GPHN: variants seen among roughly 807,000 people sequenced by gnomAD.
GPHN encodes gephyrin.
Under a neutral mutation model 95.5 loss-of-function variants are expected in GPHN, and 17 were observed. The observed-to-expected ratio is 0.18, with a 90% CI of 0.12 to 0.27. The LOEUF (loss-of-function observed/expected upper bound fraction) is 0.27. Among genes scored for constraint, GPHN ranks in the 10% least tolerant of loss-of-function variants. The pLI, the probability that GPHN is intolerant of heterozygous loss-of-function variation, is 1.00. For missense variants in GPHN, 660 were observed against 978.1 expected, an observed-to-expected ratio of 0.67 and a Z score of 4.34; for synonymous variants, 320 against 322.5, an observed-to-expected ratio of 0.99 and a Z score of 0.08.
chr14:67,421,975 G>A, the GPHN span, among the ~76,000 whole-genome samples: 91 of 152,176 alleles, frequency 6.0e-4, 1 homozygote, highest in Admixed American at 4.8e-3. Context: ...ACTGGTATCC[G>A]GTCAGTCATG....
chr14:67,122,933 A>G (rs1410968520), intron 17 of GPHN, among the ~76,000 whole-genome samples: 2 of 152,354 alleles, frequency 1.3e-5, no homozygotes, highest in Non-Finnish European at 2.9e-5. Flanking sequence ...GAATTAACTC[A>G]GCCCTCTGCT....
In GPHN at chr14:67,143,310, A is replaced by G. The variant is rs1314112790; in HGVS notation, c.1749-52A>G. On this transcript the variant is annotated intron_variant, in intron 17 of 22. Coordinates refer to ENST00000478722, the MANE Select transcript of GPHN (RefSeq NM_020806.5). ...CGATGTAGTTTTAAGTTGGCACTAT[A>G]TCTAAAATCTTTTCCTTGTGTGTTA... 3.5e-6 allele frequency: 4 copies of G among 1,126,888 alleles called. No homozygotes were observed. The African/African-American group carries it at 4.6e-5, about 13-fold the overall frequency. The allele number at this position is 1,126,888 out of a possible 1,614,324, so 69.8% of individuals were successfully genotyped here.
At chr14:66,934,057 T>G (rs1234222814) in intron 8 of GPHN, among the ~76,000 whole-genome samples, 1 of 150,180 alleles carries the variant, frequency 6.7e-6, no homozygotes, top group Non-Finnish European at 1.5e-5. Context: ...AAGAATCACT[T>G]GAGCCCAGGA....
intron 3 of GPHN, among the ~76,000 whole-genome samples, chr14:66,815,879 C>T (rs760780273): frequency 5.3e-4 from 81 of 152,122 alleles, no homozygotes; most frequent in Non-Finnish European, 7.4e-4. Flanking sequence ...GATAAAGAAC[C>T]GAGACCCATT....
intron 4 of GPHN, among the ~76,000 whole-genome samples, chr14:66,842,991 G>A (rs954076853): frequency 2.1e-4 from 32 of 152,030 alleles, no homozygotes; most frequent in African/African-American, 7.7e-4. Flanking sequence ...ACCCAATTCA[G>A]GGGACTGCCT....
intron 10 of GPHN, among the ~76,000 whole-genome samples, chr14:67,023,936 A>G (rs2073795826): frequency 1.3e-5 from 2 of 152,090 alleles, no homozygotes; most frequent in Admixed American, 1.3e-4. Flanking sequence ...GTGACTCTGA[A>G]CCTCTCTTTA....
chr14:67,148,562 T>TC (rs1022534253), intron 18 of GPHN, among the ~76,000 whole-genome samples: 7 of 144,072 alleles, frequency 4.9e-5, no homozygotes, highest in Non-Finnish European at 9.1e-5. Context: ...TATTTGCTTT[T>TC]TTTTTTTTTT....
intron 10 of GPHN, among the ~76,000 whole-genome samples, chr14:67,056,735 C>T (rs2075588878): frequency 6.6e-6 from 1 of 152,168 alleles, no homozygotes; most frequent in Admixed American, 6.5e-5. Flanking sequence ...CCACACTCAG[C>T]CCTTGGGCAG....
chr14:67,619,974 G>A, the GPHN span: 1 of 1,585,968 alleles, frequency 6.3e-7, no homozygotes, highest in Non-Finnish European at 8.6e-7. Flanking sequence ...CAGTGCTGCG[G>A]ATCATGTCCC....
At chr14:66,880,570 A>G (rs903739930) in intron 5 of GPHN, among the ~76,000 whole-genome samples, 2 of 152,028 alleles carry the variant, frequency 1.3e-5, no homozygotes, top group African/African-American at 2.4e-5. Flanking sequence ...GTTTATTAAA[A>G]TAACTTGTTC....
chr14:66,542,778 C>G (rs893789268), intron 1 of GPHN, among the ~76,000 whole-genome samples: 1 of 152,210 alleles, frequency 6.6e-6, no homozygotes, highest in Non-Finnish European at 1.5e-5. Context: ...TGCTCAATGA[C>G]TCTAATTTCT....
In GPHN at chr14:66,571,288, T is replaced by C. The variant is rs111365818; in HGVS notation, c.64+62697T>C. ...CTCACTCACTATCATGAGAACAGCA[T>C]GGGGAAAACTGCCCTCGTGATCCAG... On this transcript the variant is annotated intron_variant, in intron 1 of 22. Transcript: ENST00000478722. Among the ~76,000 whole-genome samples, 553 of 152,212 alleles carry C rather than the reference T, an allele frequency of 3.6e-3. 12 individuals carry two copies. The highest frequency in any genetic ancestry group is 0.013 in the African/African-American group (527 of 41,536).
chr14:66,778,593 A>G (rs2059479973), intron 3 of GPHN, among the ~76,000 whole-genome samples: 1 of 152,126 alleles, frequency 6.6e-6, no homozygotes, highest in Admixed American at 6.5e-5. Context: ...AATGACATGT[A>G]AAGATCTCAA....
the GPHN span, among the ~76,000 whole-genome samples, chr14:67,569,467 C>A: frequency 6.6e-6 from 1 of 152,252 alleles, no homozygotes; most frequent in African/African-American, 2.4e-5. Flanking sequence ...GAGGGGGCCT[C>A]CAGCCCAGCC....
chr14:66,645,910 C>T (rs2064720822), intron 1 of GPHN, among the ~76,000 whole-genome samples: 1 of 152,000 alleles, frequency 6.6e-6, no homozygotes, highest in African/African-American at 2.4e-5. Context: ...TACAGAGTCA[C>T]TCTACAAATA....
At chr14:67,241,313 C>T in the GPHN span, 1 of 152,910 alleles carries the variant, frequency 6.5e-6, no homozygotes, top group Non-Finnish European at 1.5e-5. Context: ...AGGGGCCGGT[C>T]TCGCGCGGTC....
chr14:67,660,351 G>A, the GPHN span, among the ~76,000 whole-genome samples: 1 of 152,088 alleles, frequency 6.6e-6, no homozygotes, highest in East Asian at 1.9e-4. Flanking sequence ...TTGGGAAGCC[G>A]AGGCAGGAGG....
At chr14:67,333,230 T>A in the GPHN span, 1 of 280,522 alleles carries the variant, frequency 3.6e-6, no homozygotes, top group South Asian at 1.1e-4. Context: ...TTTGTCCTGT[T>A]AAAACCTTTT....
At chr14:67,667,729 G>A in the GPHN span, among the ~76,000 whole-genome samples, 1 of 152,120 alleles carries the variant, frequency 6.6e-6, no homozygotes, top group Non-Finnish European at 1.5e-5. Flanking sequence ...CGGATCACGA[G>A]GTCAGGAGAT....
Sources: allele counts gnomAD v4.1 joint callset (sites outside exome capture counted in the v4.1 genomes callset), GRCh38; gene constraint gnomAD v4.1.1; transcripts MANE v1.5; gene names NCBI Gene and HGNC (gene_info 2026-07-23, HGNC 2026-07-21).